CDH13: variants seen among roughly 807,000 people sequenced by gnomAD.
CDH13 encodes cadherin-13.
In CDH13, 24 loss-of-function variants were observed where a neutral mutation model predicts 63.8. That is an observed-to-expected ratio of 0.38 (90% CI 0.27 to 0.53). The LOEUF (loss-of-function observed/expected upper bound fraction) is 0.53. CDH13 is among the 20% of genes least tolerant of loss of function. CDH13 has a pLI of 0.85. For missense variants in CDH13, 1,049 were observed against 903.1 expected, an observed-to-expected ratio of 1.16 and a Z score of -2.07; for synonymous variants, 503 against 355.3, an observed-to-expected ratio of 1.42 and a Z score of -4.67.
At chr16:83,073,229 C>G (rs977847631) in intron 3 of CDH13, among the ~76,000 whole-genome samples, 1 of 151,962 alleles carries the variant, frequency 6.6e-6, no homozygotes, top group African/African-American at 2.4e-5. Context: ...CCAGAGCTTG[C>G]ACGAAATCAC....
chr16:83,159,204 A>G (rs1424339975), intron 4 of CDH13, among the ~76,000 whole-genome samples: 2 of 152,220 alleles, frequency 1.3e-5, no homozygotes, highest in Admixed American at 6.5e-5. Flanking sequence ...AACAAAAAAA[A>G]AGACCATTCA....
chr16:83,450,333 C>G (rs1287722710), intron 6 of CDH13, among the ~76,000 whole-genome samples: 1 of 152,116 alleles, frequency 6.6e-6, no homozygotes, highest in Non-Finnish European at 1.5e-5. Flanking sequence ...AGTACGTGGT[C>G]CCTGGGGTTG....
At chr16:83,294,126 A>G (rs533033497) in intron 5 of CDH13, among the ~76,000 whole-genome samples, 2 of 152,270 alleles carry the variant, frequency 1.3e-5, no homozygotes, top group African/African-American at 4.8e-5. Flanking sequence ...TTGACATAAA[A>G]TTGTAGTTTT....
At chr16:83,425,427 A>C (rs985021181) in intron 6 of CDH13, among the ~76,000 whole-genome samples, 1 of 152,214 alleles carries the variant, frequency 6.6e-6, no homozygotes, top group African/African-American at 2.4e-5. Flanking sequence ...CTGCGTTCCC[A>C]CTCTTGGCCA....
At chr16:83,658,490 C>G in intron 8 of CDH13, among the ~76,000 whole-genome samples, 2 of 147,546 alleles carry the variant, frequency 1.4e-5, no homozygotes, top group Non-Finnish European at 3.0e-5. Flanking sequence ...GTCCCGTATC[C>G]TCACCAGCAA....
At chr16:83,351,056 C>T (rs970367747) in intron 6 of CDH13, among the ~76,000 whole-genome samples, 3 of 152,182 alleles carry the variant, frequency 2.0e-5, no homozygotes, top group Non-Finnish European at 4.4e-5. Context: ...ATATTTGACA[C>T]CTAGCTCAGC....
At chr16:82,685,613 T>A (rs1192030912) in intron 1 of CDH13, among the ~76,000 whole-genome samples, 1 of 152,134 alleles carries the variant, frequency 6.6e-6, no homozygotes. Context: ...CACTTGCACA[T>A]GTGTGGATGT....
Position 83,738,846 on chromosome 16 carries a change from C to T in CDH13, c.1539-9262C>T, listed in dbSNP as rs541704945. ...GCTTGAACCCAGGAGGCGGAGGTTG[C>T]GGTGAGCCCAGATTGCACCACTGCA... On this transcript the variant is annotated intron_variant, in intron 10 of 13. Transcript: ENST00000567109. Among the ~76,000 whole-genome samples the T allele has an allele frequency of 3.2e-3, 484 of 152,246 alleles. 1 individual carries two copies. The highest frequency in any genetic ancestry group is 0.011 in the African/African-American group (468 of 41,550).
rs193224879 is a variant in CDH13 at position 83,477,964 on chromosome 16, G to A, written c.782-8513G>A. On this transcript the variant is annotated intron_variant, in intron 6 of 13. Transcript: ENST00000567109. ...TGGGAGGCCGAGTCGGGTGGATCAC[G>A]AGGTCAGGAGATCGAGACCATCCTG... 7.8e-3 allele frequency among the ~76,000 whole-genome samples: 1,186 copies of A among 152,112 alleles called. 10 individuals carry two copies. Among genetic ancestry groups the A allele is most frequent in the Middle Eastern group, 0.041 (12 of 294 alleles).
intron 2 of CDH13, among the ~76,000 whole-genome samples, chr16:82,969,100 C>A: frequency 6.6e-6 from 1 of 152,124 alleles, no homozygotes; most frequent in Non-Finnish European, 1.5e-5. Context: ...GAATGAGACT[C>A]TCTCTCAAAC....
intron 1 of CDH13, among the ~76,000 whole-genome samples, chr16:82,759,586 TATATA>T (rs1305375979): frequency 2.7e-5 from 4 of 150,456 alleles, no homozygotes; most frequent in African/African-American, 4.9e-5. Flanking sequence ...TGTATACACA[TATATA>T]ATATATATGT....
At chr16:82,975,915 T>C (rs1226085337) in intron 2 of CDH13, among the ~76,000 whole-genome samples, 2 of 152,014 alleles carry the variant, frequency 1.3e-5, no homozygotes, top group Non-Finnish European at 2.9e-5. Context: ...TACTGACATC[T>C]CTCCTCCAAG....
intron 1 of CDH13, among the ~76,000 whole-genome samples, chr16:82,687,457 C>T (rs765279894): frequency 1.3e-5 from 2 of 152,064 alleles, no homozygotes; most frequent in African/African-American, 4.8e-5. Flanking sequence ...ACTTACAGTT[C>T]CACATGGCTG....
intron 4 of CDH13, among the ~76,000 whole-genome samples, chr16:83,145,574 A>G (rs756984897): frequency 2.0e-5 from 3 of 152,220 alleles, no homozygotes; most frequent in Non-Finnish European, 2.9e-5. Flanking sequence ...CAAACACGCC[A>G]TCATTCAGGG....
intron 5 of CDH13, among the ~76,000 whole-genome samples, chr16:83,224,091 T>A (rs1195079080): frequency 6.6e-6 from 1 of 152,188 alleles, no homozygotes; most frequent in South Asian, 2.1e-4. Flanking sequence ...CATATGATGT[T>A]TGGTTTTCCA....
At chr16:83,533,375 C>T (rs552955957) in intron 7 of CDH13, among the ~76,000 whole-genome samples, 1 of 152,224 alleles carries the variant, frequency 6.6e-6, no homozygotes, top group East Asian at 1.9e-4. Context: ...GGGCATTCCC[C>T]AAAGACAAGA....
chr16:83,695,277 A>G (rs1905265543), intron 10 of CDH13, among the ~76,000 whole-genome samples: 1 of 152,248 alleles, frequency 6.6e-6, no homozygotes, highest in African/African-American at 2.4e-5. Context: ...GATCATTGTT[A>G]CTGATTTTTC....
At chr16:83,429,498 A>G (rs1346741636) in intron 6 of CDH13, among the ~76,000 whole-genome samples, 2 of 150,518 alleles carry the variant, frequency 1.3e-5, no homozygotes, top group African/African-American at 4.9e-5. Context: ...CATATACACT[A>G]AAAGACAATG....
At chr16:82,861,376 A>G (rs2216738) in intron 2 of CDH13, among the ~76,000 whole-genome samples, 15,255 of 151,994 alleles carry the variant, frequency 0.1, 2,213 homozygotes, top group East Asian at 0.74. Flanking sequence ...TGATGTCTAC[A>G]CTCTTCACTT....
Sources: allele counts gnomAD v4.1 joint callset (sites outside exome capture counted in the v4.1 genomes callset), GRCh38; gene constraint gnomAD v4.1.1; transcripts MANE v1.5; gene names NCBI Gene and HGNC (gene_info 2026-07-23, HGNC 2026-07-21).